CCSER1: variants seen among roughly 807,000 people sequenced by gnomAD.
CCSER1 encodes serine-rich coiled-coil domain-containing protein 1.
Under a neutral mutation model 82.0 loss-of-function variants are expected in CCSER1, and 41 were observed. That is an observed-to-expected ratio of 0.50 (90% CI 0.39 to 0.65). CCSER1 has a LOEUF of 0.65. CCSER1 is among the 30% of genes least tolerant of loss of function. CCSER1 has a pLI of 0.00. For missense variants in CCSER1, 1,119 were observed against 1,064.2 expected (o/e 1.05, Z -0.72); for synonymous variants, 414 against 383.9 (o/e 1.08, Z -0.92).
intron 10 of CCSER1, among the ~76,000 whole-genome samples, chr4:91,374,002 T>C (rs989114997): frequency 1.3e-5 from 2 of 152,150 alleles, no homozygotes; most frequent in Admixed American, 1.3e-4. Flanking sequence ...CTAACTGTCT[T>C]CAATTTTATG....
intron 8 of CCSER1, among the ~76,000 whole-genome samples, chr4:90,846,849 A>T (rs1016837464): frequency 1.3e-5 from 2 of 152,002 alleles, no homozygotes; most frequent in Middle Eastern, 3.2e-3. Context: ...GGATTTCACC[A>T]TGTTGGCCAG....
chr4:91,235,343 CAGG>C (rs1254381925), intron 10 of CCSER1, among the ~76,000 whole-genome samples: 1 of 152,022 alleles, frequency 6.6e-6, no homozygotes, highest in Non-Finnish European at 1.5e-5. Context: ...CAACTGTATA[CAGG>C]AGTTCTTGAA....
At chr4:91,261,292 A>T (rs926449301) in intron 10 of CCSER1, among the ~76,000 whole-genome samples, 5 of 152,140 alleles carry the variant, frequency 3.3e-5, no homozygotes, top group African/African-American at 1.2e-4. Context: ...ACCCAAACAC[A>T]CCTAGCATTA....
Position 91,555,586 on chromosome 4 carries a change from G to T in CCSER1, c.2218-42986G>T, listed in dbSNP as rs145547702. ...AACATTAATGTTATCCATTTTCAAA[G>T]AAATGACTAAATACATACACTAGAT... On this transcript the variant is annotated intron_variant, in intron 10 of 10. Coordinates refer to ENST00000509176, the MANE Select transcript of CCSER1 (RefSeq NM_001145065.2). Among the ~76,000 whole-genome samples the T allele has an allele frequency of 9.6e-4, 145 of 150,770 alleles. 2 individuals carry two copies. Among genetic ancestry groups the T allele is most frequent in the African/African-American group, 3.1e-3 (129 of 41,120 alleles).
chr4:91,005,566 C>T (rs1738432410), intron 9 of CCSER1, among the ~76,000 whole-genome samples: 1 of 152,058 alleles, frequency 6.6e-6, no homozygotes, highest in African/African-American at 2.4e-5. Flanking sequence ...ATATGAAAAC[C>T]ACCTTATTAA....
chr4:91,476,641 T>G lies in CCSER1; in HGVS notation c.2218-121931T>G, dbSNP rs185642225. Among the ~76,000 whole-genome samples the G allele has an allele frequency of 5.9e-4, 88 of 150,314 alleles. 1 individual carries two copies. Among genetic ancestry groups the G allele is most frequent in the Admixed American group, 4.6e-3 (69 of 15,116 alleles). The stretch of plus-strand genomic sequence containing the variant: ...AGCTGGAGACATCATATTACCTGAC[T>G]TCAAAATATACCACAAAGTTATAGT... On this transcript the variant is annotated intron_variant, in intron 10 of 10. Coordinates refer to ENST00000509176, the MANE Select transcript of CCSER1 (RefSeq NM_001145065.2).
intron 9 of CCSER1, among the ~76,000 whole-genome samples, chr4:91,028,304 C>CTT (rs1740671926): frequency 6.6e-6 from 1 of 151,826 alleles, no homozygotes; most frequent in Non-Finnish European, 1.5e-5. Context: ...AAATATACTG[C>CTT]CCTTATATAT....
intron 3 of CCSER1, among the ~76,000 whole-genome samples, chr4:90,324,119 G>C (rs865807338): frequency 6.6e-6 from 1 of 152,000 alleles, no homozygotes; most frequent in Non-Finnish European, 1.5e-5. Context: ...GAATAGTGCC[G>C]CAATAAACAT....
chr4:90,519,771 A>G (rs906452348), intron 5 of CCSER1, among the ~76,000 whole-genome samples: 1 of 152,062 alleles, frequency 6.6e-6, no homozygotes, highest in Non-Finnish European at 1.5e-5. Context: ...TAACTCTTGG[A>G]CTAATACTTT....
At chr4:91,049,339 A>G (rs1742801723) in intron 9 of CCSER1, among the ~76,000 whole-genome samples, 1 of 152,160 alleles carries the variant, frequency 6.6e-6, no homozygotes, top group African/African-American at 2.4e-5. Context: ...TACATGTCAC[A>G]TGCTTGTGAA....
intron 3 of CCSER1, among the ~76,000 whole-genome samples, chr4:90,399,680 C>G (rs185939288): frequency 6.6e-6 from 1 of 151,848 alleles, no homozygotes; most frequent in South Asian, 2.1e-4. Flanking sequence ...AGTTTTTATT[C>G]AAATAAACAC....
chr4:90,936,623 A>C (rs1029255259), intron 9 of CCSER1, among the ~76,000 whole-genome samples: 9 of 152,144 alleles, frequency 5.9e-5, no homozygotes, highest in African/African-American at 2.2e-4. Context: ...ACTATTTTAA[A>C]ATTAAAAAGT....
intron 10 of CCSER1, among the ~76,000 whole-genome samples, chr4:91,109,861 A>G (rs1322819200): frequency 6.6e-6 from 1 of 152,170 alleles, no homozygotes. Flanking sequence ...AAAATAATTT[A>G]TTAGAATTTT....
intron 1 of CCSER1, among the ~76,000 whole-genome samples, chr4:90,223,647 G>C (rs925822360): frequency 5.3e-5 from 8 of 152,178 alleles, no homozygotes; most frequent in Non-Finnish European, 1.2e-4. Flanking sequence ...CCTACTTTAT[G>C]ACCTTAATGG....
At chr4:91,523,409 C>T (rs964006554) in intron 10 of CCSER1, among the ~76,000 whole-genome samples, 1 of 152,098 alleles carries the variant, frequency 6.6e-6, no homozygotes, top group Non-Finnish European at 1.5e-5. Flanking sequence ...AGGGAGGATT[C>T]CCTCTTTTTC....
intron 9 of CCSER1, among the ~76,000 whole-genome samples, chr4:90,984,286 C>G (rs1449259441): frequency 6.6e-6 from 1 of 151,690 alleles, no homozygotes; most frequent in African/African-American, 2.4e-5. Context: ...TCACAATAAC[C>G]TTAAAGAAAA....
chr4:90,747,538 T>C (rs1042038264), intron 7 of CCSER1, among the ~76,000 whole-genome samples: 1 of 152,112 alleles, frequency 6.6e-6, no homozygotes, highest in African/African-American at 2.4e-5. Context: ...TTTCAGTGTT[T>C]AGTATGCAGA....
chr4:90,619,121 G>T (rs1010726983), intron 5 of CCSER1, among the ~76,000 whole-genome samples: 15 of 151,748 alleles, frequency 9.9e-5, no homozygotes, highest in African/African-American at 3.4e-4. Flanking sequence ...CTTTATAAAT[G>T]TATTTGACAG....
At chr4:90,268,757 C>A (rs1401636772) in intron 1 of CCSER1, among the ~76,000 whole-genome samples, 32 of 151,520 alleles carry the variant, frequency 2.1e-4, no homozygotes, top group Admixed American at 2.1e-3. Flanking sequence ...CAGAGTTGGT[C>A]AATGAATGAA....
Sources: allele counts gnomAD v4.1 joint callset (sites outside exome capture counted in the v4.1 genomes callset), GRCh38; gene constraint gnomAD v4.1.1; transcripts MANE v1.5; gene names NCBI Gene and HGNC (gene_info 2026-07-23, HGNC 2026-07-21).